ESRRG: variants seen among roughly 807,000 people sequenced by gnomAD.
The protein encoded by ESRRG is estrogen related receptor gamma.
Under a neutral mutation model 44.0 loss-of-function variants are expected in ESRRG, and 13 were observed. That is an observed-to-expected ratio of 0.30 (90% CI 0.19 to 0.47). The LOEUF is 0.47. Ranked by LOEUF, ESRRG falls within the 20% of genes least tolerant of loss-of-function variation. The pLI is 1.00. For missense variants in ESRRG, 395 were observed against 580.6 expected, an observed-to-expected ratio of 0.68 and a Z score of 3.29; for synonymous variants, 215 against 214.6, an observed-to-expected ratio of 1.00 and a Z score of -0.02.
At chr1:216,703,970 A>C (rs2813666) in intron 1 of ESRRG, among the ~76,000 whole-genome samples, 1 of 152,052 alleles carries the variant, frequency 6.6e-6, no homozygotes, top group Admixed American at 6.5e-5. Flanking sequence ...CACCTCAAAG[A>C]CTTTTTGGGA....
chr1:216,949,769 T>A (rs2066649289), intron 1 of ESRRG, among the ~76,000 whole-genome samples: 1 of 152,116 alleles, frequency 6.6e-6, no homozygotes, highest in African/African-American at 2.4e-5. Flanking sequence ...ATTTGATTAT[T>A]CTCTTTTACT....
chr1:217,030,131 C>G (rs1311336896), intron 1 of ESRRG, among the ~76,000 whole-genome samples: 1 of 152,040 alleles, frequency 6.6e-6, no homozygotes, highest in Non-Finnish European at 1.5e-5. Context: ...GAGATTCTTT[C>G]TCTCCCTTTC....
intron 1 of ESRRG, among the ~76,000 whole-genome samples, chr1:217,030,150 T>G (rs560569565): frequency 6.6e-6 from 1 of 152,204 alleles, no homozygotes; most frequent in African/African-American, 2.4e-5. Flanking sequence ...TCCCTTTCTC[T>G]TTCTCTTTTT....
chr1:216,894,568 A>C (rs2058195059), intron 2 of ESRRG, among the ~76,000 whole-genome samples: 1 of 152,162 alleles, frequency 6.6e-6, no homozygotes, highest in African/African-American at 2.4e-5. Flanking sequence ...AGGAACTAGC[A>C]GGCTATAACT....
Position 216,898,363 on chromosome 1 carries a change from A to C in ESRRG, c.-14+41219T>G, listed in dbSNP as rs532373442. Among the ~76,000 whole-genome samples the C allele has an allele frequency of 5.9e-5, 9 of 152,292 alleles. No individual in the cohort carries two copies. In the East Asian group the frequency reaches 9.7e-4, roughly 16 times the overall value. ...CCAGGCACGGTGGCTCACGCCTGTA[A>C]TCCCAGCACTTTGGGAGGCCAAGGT... On this transcript the variant is annotated intron_variant, in intron 2 of 7. Coordinates refer to the ESRRG transcript ENST00000359162.
intron 1 of ESRRG, chr1:217,089,361 T>A (rs992770602): frequency 8.5e-5 from 1 of 11,804 alleles, no homozygotes; most frequent in African/African-American, 2.0e-4. Flanking sequence ...GAGGGGTTGC[T>A]TTTTTTTTTT....
chr1:216,707,400 T>C, intron 1 of ESRRG: 1 of 1,536,014 alleles, frequency 6.5e-7, no homozygotes, highest in South Asian at 1.2e-5. Flanking sequence ...ACTTGACTGC[T>C]CCAAGACCCC....
chr1:217,017,221 A>G (rs1261272499), intron 1 of ESRRG, among the ~76,000 whole-genome samples: 1 of 152,150 alleles, frequency 6.6e-6, no homozygotes, highest in Non-Finnish European at 1.5e-5. Flanking sequence ...CCATCACACT[A>G]GTCTTTTCAC....
intron 1 of ESRRG, among the ~76,000 whole-genome samples, chr1:216,956,802 C>T (rs1025940528): frequency 2.6e-5 from 4 of 152,106 alleles, no homozygotes; most frequent in Non-Finnish European, 5.9e-5. Context: ...AACAGAGGTT[C>T]GCATGAACAA....
At chr1:216,693,734 T>G (rs1321925169) in intron 1 of ESRRG, among the ~76,000 whole-genome samples, 2 of 152,218 alleles carry the variant, frequency 1.3e-5, no homozygotes, top group Non-Finnish European at 2.9e-5. Context: ...CTAATATTTT[T>G]TATCTGCAGT....
intron 1 of ESRRG, among the ~76,000 whole-genome samples, chr1:217,125,515 A>G (rs1351042815): frequency 6.6e-6 from 1 of 152,244 alleles, no homozygotes; most frequent in Non-Finnish European, 1.5e-5. Flanking sequence ...CCATGAGGTC[A>G]GGAACCATGC....
intron 1 of ESRRG, among the ~76,000 whole-genome samples, chr1:216,708,039 A>G (rs575703222): frequency 6.6e-6 from 1 of 152,208 alleles, no homozygotes; most frequent in African/African-American, 2.4e-5. Context: ...TGTTAGATTA[A>G]TTTTTTAAGA....
In ESRRG at chr1:216,768,636, T is replaced by C. The variant is rs74482114; in HGVS notation, c.-13-91145A>G. 3.1e-3 allele frequency among the ~76,000 whole-genome samples: 476 copies of C among 152,210 alleles called. 3 individuals carry two copies. Among genetic ancestry groups the C allele is most frequent in the African/African-American group, 0.011 (442 of 41,558 alleles). ...TCCTCAGTAGCTAGGACTACTGGCA[T>C]GCGCCACCACATCTGGCTAATTTTT... On this transcript the variant is annotated intron_variant, in intron 2 of 7. Transcript: ENST00000359162.
intron 5 of ESRRG, among the ~76,000 whole-genome samples, chr1:216,549,663 G>A (rs973247841): frequency 1.1e-4 from 16 of 152,090 alleles, no homozygotes; most frequent in Non-Finnish European, 4.4e-5. Context: ...CTGGGGCACT[G>A]CATACATGCA....
chr1:216,948,405 A>G (rs2066411726), intron 1 of ESRRG, among the ~76,000 whole-genome samples: 1 of 145,776 alleles, frequency 6.9e-6, no homozygotes, highest in African/African-American at 2.5e-5. Flanking sequence ...TGAACCTGGG[A>G]GGCAGAGATT....
chr1:216,567,772 G>A (rs534185570), intron 4 of ESRRG, among the ~76,000 whole-genome samples: 8 of 152,274 alleles, frequency 5.3e-5, no homozygotes, highest in African/African-American at 1.9e-4. Context: ...AAAGGCTGGA[G>A]AGAGAAAACC....
At chr1:217,047,640 A>T (rs1238710695) in intron 1 of ESRRG, among the ~76,000 whole-genome samples, 1 of 152,078 alleles carries the variant, frequency 6.6e-6, no homozygotes, top group African/African-American at 2.4e-5. Flanking sequence ...GCACCTATCC[A>T]TTTTCACAGC....
At chr1:216,997,309 TA>T (rs1309718533) in intron 1 of ESRRG, among the ~76,000 whole-genome samples, 1 of 152,166 alleles carries the variant, frequency 6.6e-6, no homozygotes, top group Non-Finnish European at 1.5e-5. Flanking sequence ...AAGAGCTCCT[TA>T]AAGACAACCC....
intron 2 of ESRRG, among the ~76,000 whole-genome samples, chr1:216,776,085 T>C (rs1045769099): frequency 6.6e-6 from 1 of 152,092 alleles, no homozygotes; most frequent in Non-Finnish European, 1.5e-5. Flanking sequence ...TAAATCCCTA[T>C]AATAGCTCCC....
Sources: allele counts gnomAD v4.1 joint callset (sites outside exome capture counted in the v4.1 genomes callset), GRCh38; gene constraint gnomAD v4.1.1; transcripts MANE v1.5; gene names NCBI Gene and HGNC (gene_info 2026-07-23, HGNC 2026-07-21).